The following SGMS1 variants were observed in gnomAD, a reference collection of about 807,000 sequenced individuals.
The protein encoded by SGMS1 is sphingomyelin synthase 1, also known as phosphatidylcholine:ceramide cholinephosphotransferase 1.
Under a neutral mutation model 46.2 loss-of-function variants are expected in SGMS1, and 13 were observed. The observed-to-expected ratio is 0.28, with a 90% CI of 0.18 to 0.45. The LOEUF is 0.45. Among genes scored for constraint, SGMS1 ranks in the 20% least tolerant of loss-of-function variants. The pLI is 1.00. For missense variants in SGMS1, 324 were observed against 519.9 expected, an observed-to-expected ratio of 0.62 and a Z score of 3.66; for synonymous variants, 203 against 187.8, an observed-to-expected ratio of 1.08 and a Z score of -0.66.
intron 1 of SGMS1, among the ~76,000 whole-genome samples, chr10:50,607,881 T>C (rs1280998711): frequency 6.6e-6 from 1 of 152,158 alleles, no homozygotes; most frequent in Non-Finnish European, 1.5e-5. Flanking sequence ...TTGTATTACA[T>C]GGACAGAGCC....
At chr10:50,552,088 A>G (rs143117784) in intron 2 of SGMS1, among the ~76,000 whole-genome samples, 196 of 152,346 alleles carry the variant, frequency 1.3e-3, no homozygotes, top group Middle Eastern at 6.8e-3. Context: ...AAACAGGCAG[A>G]AGGCTGGATT....
At position 50,353,493 on chromosome 10, in the gene SGMS1, G is replaced by A. The variant is rs1439617087; in HGVS notation, c.-231-9148C>T. ...CCACAGCTAATATCATAATGAATGG[G>A]CAAAAACTGGAAGCATTCCCTTTGA... On this transcript the variant is annotated intron_variant, in intron 6 of 10. Transcript: ENST00000361781. Among the ~76,000 whole-genome samples, 18 of 152,420 alleles carry A rather than the reference G, an allele frequency of 1.2e-4. No homozygotes were observed. In the East Asian group the frequency reaches 3.5e-3, roughly 29 times the overall value.
At chr10:50,317,802 CTTTT>C (rs143154915) in intron 8 of SGMS1, among the ~76,000 whole-genome samples, 4 of 133,590 alleles carry the variant, frequency 3.0e-5, no homozygotes, top group African/African-American at 8.4e-5. Context: ...TTATTTCTTT[CTTTT>C]TTTTTTTTTT....
chr10:50,315,999 C>G (rs969185898), intron 8 of SGMS1, among the ~76,000 whole-genome samples: 1 of 152,182 alleles, frequency 6.6e-6, no homozygotes, highest in Admixed American at 6.5e-5. Context: ...CATTTAGAAC[C>G]AGTGAGCCTT....
At chr10:50,387,073 C>A (rs190656837) in intron 6 of SGMS1, among the ~76,000 whole-genome samples, 1 of 152,216 alleles carries the variant, frequency 6.6e-6, no homozygotes, top group East Asian at 1.9e-4. Context: ...ACAATAGGCT[C>A]CAAAGCCTGT....
At chr10:50,543,238 T>C (rs879311377) in intron 2 of SGMS1, among the ~76,000 whole-genome samples, 3 of 152,088 alleles carry the variant, frequency 2.0e-5, no homozygotes, top group Admixed American at 2.0e-4. Context: ...CAAATGACTA[T>C]AAAATATGTG....
At chr10:50,624,440 A>C (rs1452832463), upstream of SGMS1, among the ~76,000 whole-genome samples, 1 of 152,092 alleles carries the variant, frequency 6.6e-6, no homozygotes, top group East Asian at 1.9e-4. Flanking sequence ...CGACCTGACT[A>C]TTCGGCCCAT....
At chr10:50,599,216 AGT>A (rs1415310441) in intron 1 of SGMS1, among the ~76,000 whole-genome samples, 1 of 148,600 alleles carries the variant, frequency 6.7e-6, no homozygotes, top group Non-Finnish European at 1.5e-5. Context: ...GCAAAAAAAC[AGT>A]AACAAAAAAA....
intron 6 of SGMS1, among the ~76,000 whole-genome samples, chr10:50,380,274 G>A (rs1203319580): frequency 5.9e-5 from 9 of 151,848 alleles, no homozygotes; most frequent in Non-Finnish European, 1.2e-4. Flanking sequence ...CCAGCTACCT[G>A]GGAGGCTGAG....
chr10:50,616,517 T>C (rs1044772433), intron 1 of SGMS1, among the ~76,000 whole-genome samples: 19 of 152,332 alleles, frequency 1.2e-4, no homozygotes, highest in Non-Finnish European at 2.1e-4. Context: ...AAGATCTGTA[T>C]TCCAAGCATC....
At chr10:50,417,635 T>C (rs957714783) in intron 6 of SGMS1, among the ~76,000 whole-genome samples, 2 of 152,140 alleles carry the variant, frequency 1.3e-5, no homozygotes, top group African/African-American at 4.8e-5. Flanking sequence ...CCAAAGGAGT[T>C]GCCAAAAGGG....
chr10:50,587,633 ATGTGTGTGTGTG>A (rs35240090), intron 2 of SGMS1, among the ~76,000 whole-genome samples: 109 of 138,262 alleles, frequency 7.9e-4, no homozygotes, highest in African/African-American at 2.3e-3. Flanking sequence ...CAAAATATAT[ATGTGTGTGTGTG>A]TGTGTGTGTG....
At chr10:50,379,985 T>G (rs191524428) in intron 6 of SGMS1, among the ~76,000 whole-genome samples, 1 of 152,202 alleles carries the variant, frequency 6.6e-6, no homozygotes, top group Non-Finnish European at 1.5e-5. Flanking sequence ...TCAGAAAGAC[T>G]CACCCAACCA....
At chr10:50,501,675 C>A (rs994825718) in intron 3 of SGMS1, among the ~76,000 whole-genome samples, 1 of 152,106 alleles carries the variant, frequency 6.6e-6, no homozygotes, top group East Asian at 1.9e-4. Context: ...GTGAGTCATA[C>A]TTTAATTCAA....
At chr10:50,540,739 G>A (rs1027069354) in intron 2 of SGMS1, among the ~76,000 whole-genome samples, 3 of 152,192 alleles carry the variant, frequency 2.0e-5, no homozygotes, top group Non-Finnish European at 4.4e-5. Context: ...GGTCATGCGA[G>A]TCACTAAGGT....
At chr10:50,363,466 C>A (rs1465977324) in intron 6 of SGMS1, among the ~76,000 whole-genome samples, 1 of 152,214 alleles carries the variant, frequency 6.6e-6, no homozygotes, top group Non-Finnish European at 1.5e-5. Context: ...TAATAAGTTT[C>A]TCTAGATTCT....
At chr10:50,471,973 C>A (rs764201077) in intron 3 of SGMS1, among the ~76,000 whole-genome samples, 4 of 152,144 alleles carry the variant, frequency 2.6e-5, no homozygotes, top group Admixed American at 6.6e-5. Context: ...TTGGTTCGCA[C>A]CCAGTAAAAT....
At chr10:50,604,854 GAAATAT>G (rs148830726) in intron 1 of SGMS1, among the ~76,000 whole-genome samples, 96,917 of 151,200 alleles carry the variant, frequency 0.64, 31,470 homozygotes, top group Middle Eastern at 0.68. Context: ...GATCATACAA[GAAATAT>G]AAATATAACA....
chr10:50,307,108 G>T lies in SGMS1; in HGVS notation c.*34C>A. 1 of 1,598,342 alleles carries T rather than the reference G, an allele frequency of 6.3e-7. No individual in the cohort carries two copies. The highest frequency in any genetic ancestry group is 8.5e-7 in the Non-Finnish European group (1 of 1,170,090). ...TCTCTCATGGAGTTCTTAGCACTTC[G>T]GACAATTTGTCTTTTCCCCACTTTG... On this transcript the variant is annotated 3_prime_UTR_variant, in exon 11 of 11. Coordinates refer to ENST00000361781, the MANE Select transcript of SGMS1 (RefSeq NM_147156.4). The surrounding 1 kb of genome is among the most constrained non-coding windows in gnomAD (Gnocchi z 4.2).
Sources: gnomAD v4.1 joint callset for allele counts (sites outside exome capture counted in the v4.1 genomes callset) on GRCh38, gnomAD v4.1.1 for gene constraint, Gnocchi (gnomAD v3.1) non-coding constraint, MANE v1.5 for transcripts, NCBI Gene and HGNC (gene_info 2026-07-23, HGNC 2026-07-21) for gene names.